Variants in DNER observed in about 807,000 individuals in gnomAD.
DNER encodes delta/notch like EGF repeat containing.
In DNER, 33 loss-of-function variants were observed where a neutral mutation model predicts 78.2. That is an observed-to-expected ratio of 0.42 (90% CI 0.32 to 0.56). The LOEUF (loss-of-function observed/expected upper bound fraction) is 0.56. Ranked by LOEUF, DNER falls within the 20% of genes least tolerant of loss-of-function variation. The pLI, the probability that DNER is intolerant of heterozygous loss-of-function variation, is 0.11. For missense variants in DNER, 918 were observed against 975.3 expected (o/e 0.94, Z 0.78); for synonymous variants, 417 against 384.8 (o/e 1.08, Z -0.98).
At chr2:229,686,290 G>A (rs764758783) in intron 1 of DNER, among the ~76,000 whole-genome samples, 48 of 152,044 alleles carry the variant, frequency 3.2e-4, no homozygotes, top group Admixed American at 5.9e-4. Context: ...CTCCCAGCCC[G>A]CACTACCACC....
chr2:229,419,847 A>G (rs533687966), intron 8 of DNER, among the ~76,000 whole-genome samples: 1 of 150,726 alleles, frequency 6.6e-6, no homozygotes, highest in African/African-American at 2.4e-5. Context: ...TTGTCCCCCA[A>G]AGGACATTTG....
In DNER at chr2:229,366,915, T is replaced by C. The variant is rs200724319; in HGVS notation, c.2060A>G (p.Asp687Gly). 1.2e-6 allele frequency: 2 copies of C among 1,614,186 alleles called. No individual in the cohort carries two copies. The highest frequency in any genetic ancestry group is 1.1e-5 in the South Asian group (1 of 91,086). Residue 687 changes from aspartate to glycine, a missense_variant, in exon 12 of 13, where the codon GAC becomes GGC. By Grantham distance (94) the Asp-to-Gly change is moderately conservative (BLOSUM62 -1). Transcript: ENST00000341772. The part of the protein sequence containing the change: ...YEEFYNCRSI[D>G]SEFSNAIASI... Reference sequence around the variant, plus strand: ...TGCAATGGCATTGCTGAACTCGCTGTCGATGCTGCGGCAGTTGTAGAACTC... The same window carrying C: ...TGCAATGGCATTGCTGAACTCGCTGCCGATGCTGCGGCAGTTGTAGAACTC...
chr2:229,603,631 A>C (rs1446771403), intron 1 of DNER, among the ~76,000 whole-genome samples: 7 of 152,158 alleles, frequency 4.6e-5, no homozygotes, highest in Admixed American at 4.6e-4. Context: ...GAGCTGAGAG[A>C]GGTGGGGACG....
chr2:229,631,125 T>A (rs1698427428), intron 1 of DNER, among the ~76,000 whole-genome samples: 2 of 152,240 alleles, frequency 1.3e-5, no homozygotes, highest in African/African-American at 4.8e-5. Context: ...TTTGGTAGAA[T>A]AATTTATTTT....
intron 7 of DNER, among the ~76,000 whole-genome samples, chr2:229,475,321 C>G (rs767704290): frequency 6.6e-6 from 1 of 152,184 alleles, no homozygotes; most frequent in Non-Finnish European, 1.5e-5. Context: ...CTCACCCAGC[C>G]CTGCAAGCCT....
intron 1 of DNER, among the ~76,000 whole-genome samples, chr2:229,650,217 T>C (rs896322836): frequency 1.3e-5 from 2 of 152,154 alleles, no homozygotes; most frequent in Admixed American, 6.5e-5. Context: ...GATTCAACCC[T>C]TCACTTGGGC....
intron 10 of DNER, among the ~76,000 whole-genome samples, chr2:229,391,328 A>G (rs1379889351): frequency 6.6e-6 from 1 of 152,182 alleles, no homozygotes; most frequent in Non-Finnish European, 1.5e-5. Context: ...CTTTGCTAAT[A>G]GTTAACTAAT....
intron 6 of DNER, among the ~76,000 whole-genome samples, chr2:229,510,685 T>C (rs922578303): frequency 1.4e-4 from 22 of 152,092 alleles, no homozygotes; most frequent in Admixed American, 2.6e-4. Flanking sequence ...ACACGATGAG[T>C]TCAGTTTGGA....
At chr2:229,425,594 G>T (rs188122755) in intron 8 of DNER, among the ~76,000 whole-genome samples, 1 of 152,086 alleles carries the variant, frequency 6.6e-6, no homozygotes, top group Non-Finnish European at 1.5e-5. Context: ...CAACACTGTC[G>T]CAAGGCAGGA....
At chr2:229,654,269 T>C (rs1390764379) in intron 1 of DNER, among the ~76,000 whole-genome samples, 1 of 152,126 alleles carries the variant, frequency 6.6e-6, no homozygotes, top group African/African-American at 2.4e-5. Context: ...GAACTAGAAA[T>C]ACCATTTGAC....
chr2:229,566,277 C>A (rs1045465625), intron 4 of DNER, among the ~76,000 whole-genome samples: 17 of 152,148 alleles, frequency 1.1e-4, no homozygotes, highest in Non-Finnish European at 2.4e-4. Flanking sequence ...CTTTGCTCCA[C>A]ACTGATTTAA....
chr2:229,580,808 T>C (rs1037818832), intron 4 of DNER, among the ~76,000 whole-genome samples: 1 of 152,200 alleles, frequency 6.6e-6, no homozygotes, highest in Non-Finnish European at 1.5e-5. Flanking sequence ...GGAGAATAAC[T>C]GTTAGAATAT....
At chr2:229,702,453 T>C (rs1160316067) in intron 1 of DNER, among the ~76,000 whole-genome samples, 1 of 149,386 alleles carries the variant, frequency 6.7e-6, no homozygotes, top group Non-Finnish European at 1.5e-5. Flanking sequence ...GGAGGATCAC[T>C]TGAGCCATAG....
intron 4 of DNER, among the ~76,000 whole-genome samples, chr2:229,565,423 C>T (rs1697086062): frequency 6.6e-6 from 1 of 152,044 alleles, no homozygotes; most frequent in Non-Finnish European, 1.5e-5. Context: ...ATTCATGCCC[C>T]GTCTCTCCAT....
At chr2:229,421,395 A>G (rs1314208923) in intron 8 of DNER, among the ~76,000 whole-genome samples, 1 of 151,772 alleles carries the variant, frequency 6.6e-6, no homozygotes, top group African/African-American at 2.4e-5. Flanking sequence ...ATACTTAAAC[A>G]TTTGTTAAGA....
rs1258315994 is a variant in DNER, at chr2:229,649,645, G to T, written c.277-57757C>A. Among the ~76,000 whole-genome samples, 5 of 152,198 alleles carry T rather than the reference G, an allele frequency of 3.3e-5. No homozygotes were observed. In the East Asian group the frequency reaches 9.6e-4, roughly 29 times the overall value. ...ATTATATGAGGACTATAGCAATTGA[G>T]ATACAAGGAGGGTTTTGTATTTATA... On this transcript the variant is annotated intron_variant, in intron 1 of 12. Coordinates refer to ENST00000341772, the MANE Select transcript of DNER (RefSeq NM_139072.4).
At chr2:229,641,389 G>T (rs1698620559) in intron 1 of DNER, among the ~76,000 whole-genome samples, 1 of 152,174 alleles carries the variant, frequency 6.6e-6, no homozygotes, top group Non-Finnish European at 1.5e-5. Flanking sequence ...GGAATGTGGG[G>T]ATATGACAGA....
At chr2:229,700,403 T>C (rs1479081994) in intron 1 of DNER, among the ~76,000 whole-genome samples, 3 of 149,884 alleles carry the variant, frequency 2.0e-5, no homozygotes, top group African/African-American at 4.9e-5. Context: ...TGGTGTGATC[T>C]CGGCTCACTG....
chr2:229,599,074 G>T (rs143392036), intron 1 of DNER, among the ~76,000 whole-genome samples: 1 of 152,076 alleles, frequency 6.6e-6, no homozygotes, highest in Non-Finnish European at 1.5e-5. Context: ...AGCCCCAGAG[G>T]AGAACTTACA....
Sources: gnomAD v4.1 joint callset for allele counts (sites outside exome capture counted in the v4.1 genomes callset) on GRCh38, gnomAD v4.1.1 for gene constraint, MANE v1.5 for transcripts, NCBI Gene and HGNC (gene_info 2026-07-23, HGNC 2026-07-21) for gene names.